UTY: variants seen among roughly 807,000 people sequenced by gnomAD.
The protein encoded by UTY is ubiquitously transcribed tetratricopeptide repeat containing, Y-linked.
Under a neutral mutation model 32.5 loss-of-function variants are expected in UTY, and 12 were observed. The ratio of observed to expected loss-of-function variants is 0.37; its 90% CI spans 0.24 to 0.60. The LOEUF is 0.60. UTY is among the 20% of genes least tolerant of loss of function. The pLI is 0.69. For missense variants in UTY, 303 were observed against 299.2 expected (o/e 1.01, Z -0.09); for synonymous variants, 131 against 103.4 (o/e 1.27, Z -1.62).
intron 27 of UTY, among the ~76,000 whole-genome samples, chrY:13,293,737 A>C (rs2057880318): frequency 3.0e-5 from 1 of 33,538 alleles, no homozygotes; most frequent in African/African-American, 1.2e-4. Flanking sequence ...TTCAGAAAAG[A>C]TTCAGGAAAC....
intron 27 of UTY, among the ~76,000 whole-genome samples, chrY:13,289,990 T>A (rs28478924): frequency 3.7e-5 from 1 of 26,961 alleles, no homozygotes; most frequent in African/African-American, 1.5e-4. Flanking sequence ...CAAAAAAAAA[T>A]AAAAAAAAAT....
chrY:13,304,056 T>G, intron 24 of UTY: 1 of 99,036 alleles, frequency 1.0e-5, no homozygotes, highest in South Asian at 4.8e-5. Flanking sequence ...GGTGGAAATT[T>G]TTCTGAAGAA....
chrY:13,246,104 C>T (rs896525633), downstream of UTY, among the ~76,000 whole-genome samples: 4 of 32,312 alleles, frequency 1.2e-4, no homozygotes, highest in Admixed American at 2.8e-4. Flanking sequence ...TACAGGCATG[C>T]GCCACCATGC....
At chrY:13,352,545 G>A (rs902634523) in intron 17 of UTY, among the ~76,000 whole-genome samples, 1 of 33,120 alleles carries the variant, frequency 3.0e-5, no homozygotes, top group Admixed American at 2.8e-4. Flanking sequence ...CTGGGCTCAA[G>A]CAATCCTCCT....
chrY:13,378,008 AATCTGAAAGAAAAAAAAAG>A (rs2065575920), intron 8 of UTY, among the ~76,000 whole-genome samples: 1 of 33,115 alleles, frequency 3.0e-5, no homozygotes, highest in African/African-American at 1.2e-4. Context: ...AATCTTAGAG[AATCTGAAAGAAAAAAAAAG>A]AGCAGACATG....
chrY:13,366,214 A>G, intron 10 of UTY, 53 bp downstream of exon 10: 1 of 342,565 alleles, frequency 2.9e-6, no homozygotes, highest in Admixed American at 1.1e-4. Context: ...TAAAATCTAC[A>G]AATGATTTTA....
chrY:13,252,020 A>C, intron 28 of UTY, among the ~76,000 whole-genome samples: 1 of 29,255 alleles, frequency 3.4e-5, no homozygotes, highest in Non-Finnish European at 8.1e-5. Context: ...CTCTACTAAA[A>C]ATACAAAAAA....
intron 27 of UTY, among the ~76,000 whole-genome samples, chrY:13,265,832 C>T (rs2055730416): frequency 3.0e-5 from 1 of 33,152 alleles, no homozygotes; most frequent in Non-Finnish European, 7.4e-5. Context: ...AAAGGGAATG[C>T]TTCCAGTTTT....
At chrY:13,251,705 T>C in intron 28 of UTY, among the ~76,000 whole-genome samples, 1 of 33,586 alleles carries the variant, frequency 3.0e-5, no homozygotes, top group South Asian at 6.5e-4. Context: ...GGAATATGCA[T>C]GTAATGTGAT....
chrY:13,446,607 T>TAGAC (rs1191166381), intron 4 of UTY, among the ~76,000 whole-genome samples: 16 of 20,599 alleles, frequency 7.8e-4, no homozygotes, highest in Middle Eastern at 0.029. Flanking sequence ...GATAGATAGA[T>TAGAC]AGATAGATAG....
intron 8 of UTY, among the ~76,000 whole-genome samples, chrY:13,383,394 G>A: frequency 9.6e-5 from 3 of 31,300 alleles, no homozygotes; most frequent in Admixed American, 2.9e-4. Context: ...TCAGGAGATC[G>A]AGAACATCCT....
chrY:13,287,102 T>C, intron 27 of UTY: 1 of 346,767 alleles, frequency 2.9e-6, no homozygotes, highest in Non-Finnish European at 4.2e-6. Context: ...GTAAGTGTGA[T>C]CCTGCAGGTT....
chrY:13,357,760 C>T, intron 15 of UTY, 117 bp downstream of exon 15: 3 of 182,006 alleles, frequency 1.6e-5, no homozygotes, highest in Non-Finnish European at 2.9e-5. Flanking sequence ...AATGTGGGCT[C>T]GTTTTAATTA....
At chrY:13,387,377 C>T (rs2066983939) in intron 8 of UTY, among the ~76,000 whole-genome samples, 1 of 33,868 alleles carries the variant, frequency 3.0e-5, no homozygotes, top group African/African-American at 1.2e-4. Context: ...AATTCACAGA[C>T]CCTTTTTCTT....
intron 17 of UTY, among the ~76,000 whole-genome samples, chrY:13,343,060 C>T (rs1251031969): frequency 3.0e-5 from 1 of 33,530 alleles, no homozygotes; most frequent in Admixed American, 2.7e-4. Context: ...CTTTGATCCA[C>T]GCCCTGGCAT....
At chrY:13,253,948 G>A (rs942922642) in intron 28 of UTY, among the ~76,000 whole-genome samples, 2 of 32,930 alleles carry the variant, frequency 6.1e-5, no homozygotes, top group Admixed American at 2.8e-4. Context: ...GTGTGCATTA[G>A]AGCTTGGGAA....
intron 7 of UTY, 112 bp downstream of exon 7, chrY:13,396,806 C>A: frequency 6.6e-6 from 1 of 151,848 alleles, no homozygotes; most frequent in Non-Finnish European, 1.2e-5. Context: ...CTGAATCAGG[C>A]ACATGCCTTC....
At chrY:13,463,097 A>G (rs1603475776) in intron 3 of UTY, among the ~76,000 whole-genome samples, 1 of 26,117 alleles carries the variant, frequency 3.8e-5, no homozygotes, top group East Asian at 9.5e-4. Context: ...ATTCCCACCT[A>G]TGAGTGAGAA....
intron 8 of UTY, among the ~76,000 whole-genome samples, chrY:13,374,846 A>T: frequency 8.8e-5 from 3 of 34,023 alleles, no homozygotes; most frequent in African/African-American, 3.4e-4. Flanking sequence ...AAAATACATT[A>T]ATCCAAACAT....
Sources: gnomAD v4.1 joint callset for allele counts (sites outside exome capture counted in the v4.1 genomes callset) on GRCh38, gnomAD v4.1.1 for gene constraint, MANE v1.5 for transcripts, NCBI Gene and HGNC (gene_info 2026-07-23, HGNC 2026-07-21) for gene names.